The following PACS1 variants were observed in gnomAD, a reference collection of about 807,000 sequenced individuals.
PACS1 encodes the protein phosphofurin acidic cluster sorting protein 1, also known as PACS-1.
PACS1 carries 24 observed loss-of-function variants against 115.0 expected under a neutral mutation model. The ratio of observed to expected loss-of-function variants is 0.21; its 90% CI spans 0.15 to 0.29. The LOEUF (loss-of-function observed/expected upper bound fraction) is 0.29, where lower values mean the gene tolerates loss of function less well. PACS1 is among the 10% of genes least tolerant of loss of function. PACS1 has a pLI of 1.00. For missense variants in PACS1, 838 were observed against 1,251.2 expected (o/e 0.67, Z 4.98); for synonymous variants, 453 against 504.5 (o/e 0.90, Z 1.37).
At chr11:66,099,883 T>C (rs931602273) in intron 1 of PACS1, among the ~76,000 whole-genome samples, 4 of 151,334 alleles carry the variant, frequency 2.6e-5, no homozygotes, top group Non-Finnish European at 4.4e-5. Flanking sequence ...AATTTTGCTC[T>C]TGTTGCCCAG....
intron 2 of PACS1, among the ~76,000 whole-genome samples, chr11:66,201,660 T>C (rs931586549): frequency 6.6e-6 from 1 of 150,636 alleles, no homozygotes; most frequent in East Asian, 1.9e-4. Context: ...TTTTGGGTTT[T>C]TGTTTTTTTT....
intron 1 of PACS1, among the ~76,000 whole-genome samples, chr11:66,074,941 G>GTTTTTTT (rs71036269): frequency 7.0e-5 from 8 of 114,206 alleles, no homozygotes; most frequent in East Asian, 2.6e-4. Flanking sequence ...TTTTTTTGGT[G>GTTTTTTT]TTTTTTTTTT....
intron 10 of PACS1, among the ~76,000 whole-genome samples, chr11:66,227,240 G>T (rs1855485229): frequency 6.6e-6 from 1 of 152,154 alleles, no homozygotes; most frequent in Non-Finnish European, 1.5e-5. Flanking sequence ...AGCTTCTCTT[G>T]CCTAGTGACA....
intron 1 of PACS1, among the ~76,000 whole-genome samples, chr11:66,118,857 A>G (rs765885973): frequency 3.3e-5 from 5 of 152,122 alleles, no homozygotes; most frequent in African/African-American, 4.8e-5. Flanking sequence ...TCCCTTCCCA[A>G]ATATTTTTTT....
intron 1 of PACS1, among the ~76,000 whole-genome samples, chr11:66,185,765 G>A (rs1053073081): frequency 1.3e-5 from 2 of 152,118 alleles, no homozygotes; most frequent in Admixed American, 6.5e-5. Context: ...GAGACCCAGG[G>A]TTTCCTGATA....
chr11:66,204,460 A>G (rs554100864), intron 2 of PACS1, among the ~76,000 whole-genome samples: 1 of 152,322 alleles, frequency 6.6e-6, no homozygotes, highest in South Asian at 2.1e-4. Context: ...AAGTTAGTAT[A>G]GCGAATATGG....
At chr11:66,162,113 T>G (rs12799501) in intron 1 of PACS1, among the ~76,000 whole-genome samples, 71 of 10,232 alleles carry the variant, frequency 6.9e-3, no homozygotes, top group African/African-American at 0.018. Context: ...GTGGTGGTGG[T>G]TTTTTTTTTT....
At chr11:66,114,087 A>C (rs569693159) in intron 1 of PACS1, among the ~76,000 whole-genome samples, 2 of 147,272 alleles carry the variant, frequency 1.4e-5, no homozygotes, top group South Asian at 4.4e-4. Context: ...AAGCAGAATC[A>C]CTATGAGTTG....
Position 66,134,080 on chromosome 11 carries a change from T to C in PACS1, c.357-59406T>C, listed in dbSNP as rs201281574. ...TATTCCTGAGGCATTGATCACATTG[T>C]CATTGTTCCAGGTTCCTCTCTGTGC... is the stretch of plus-strand genomic sequence containing the variant. On this transcript the variant is annotated intron_variant, in intron 1 of 23. Coordinates refer to ENST00000320580, the MANE Select transcript of PACS1 (RefSeq NM_018026.4). Among the ~76,000 whole-genome samples the C allele has an allele frequency of 3.9e-5, 6 of 152,060 alleles. No individual in the cohort carries two copies. The East Asian group carries it at 1.2e-3, about 29-fold the overall frequency.
chr11:66,206,668 T>C (rs940959380), intron 2 of PACS1, among the ~76,000 whole-genome samples: 1 of 152,128 alleles, frequency 6.6e-6, no homozygotes, highest in Non-Finnish European at 1.5e-5. Context: ...ATAGTGACAA[T>C]AACTAAGATA....
At chr11:66,165,746 T>A (rs576810660) in intron 1 of PACS1, among the ~76,000 whole-genome samples, 46 of 152,166 alleles carry the variant, frequency 3.0e-4, no homozygotes, top group African/African-American at 1.1e-3. Context: ...AAGGGTAAAA[T>A]ATATATATGT....
intron 1 of PACS1, among the ~76,000 whole-genome samples, chr11:66,098,651 T>G (rs1386881415): frequency 6.6e-6 from 1 of 152,216 alleles, no homozygotes; most frequent in African/African-American, 2.4e-5. Context: ...CTGCCCCAAC[T>G]ATATCTCATT....
At chr11:66,181,866 A>G (rs1447584412) in intron 1 of PACS1, among the ~76,000 whole-genome samples, 1 of 152,202 alleles carries the variant, frequency 6.6e-6, no homozygotes, top group Non-Finnish European at 1.5e-5. Context: ...ACTGGAATTT[A>G]AGTGACTAGG....
intron 1 of PACS1, among the ~76,000 whole-genome samples, chr11:66,140,402 C>T (rs992234308): frequency 1.3e-5 from 2 of 152,204 alleles, no homozygotes; most frequent in Middle Eastern, 3.4e-3. Flanking sequence ...GCTTTGTATC[C>T]GCGTGACCTG....
At chr11:66,166,758 A>C (rs1859612814) in intron 1 of PACS1, among the ~76,000 whole-genome samples, 1 of 150,450 alleles carries the variant, frequency 6.6e-6, no homozygotes, top group African/African-American at 2.5e-5. Flanking sequence ...TGATGAGAAC[A>C]GTGCAAATAT....
At chr11:66,117,729 C>T (rs1306864428) in intron 1 of PACS1, among the ~76,000 whole-genome samples, 1 of 151,888 alleles carries the variant, frequency 6.6e-6, no homozygotes, top group Non-Finnish European at 1.5e-5. Context: ...GCCTGTAATT[C>T]CAGCTACTTG....
At chr11:66,111,462 C>T (rs1027265534) in intron 1 of PACS1, among the ~76,000 whole-genome samples, 3 of 152,222 alleles carry the variant, frequency 2.0e-5, no homozygotes, top group South Asian at 2.1e-4. Flanking sequence ...TATCCAAGTG[C>T]CTATTTGACA....
chr11:66,224,721 A>G (rs1855437923), intron 10 of PACS1, among the ~76,000 whole-genome samples: 1 of 152,104 alleles, frequency 6.6e-6, no homozygotes, highest in African/African-American at 2.4e-5. Context: ...ATCCTTTGGT[A>G]TGAAAGGCGC....
At chr11:66,107,159 G>A (rs1590748709) in intron 1 of PACS1, among the ~76,000 whole-genome samples, 1 of 152,266 alleles carries the variant, frequency 6.6e-6, no homozygotes, top group Non-Finnish European at 1.5e-5. Context: ...CCCTCCCCCA[G>A]TCTGACCACC....
Sources: gnomAD v4.1 joint callset for allele counts (sites outside exome capture counted in the v4.1 genomes callset) on GRCh38, gnomAD v4.1.1 for gene constraint, MANE v1.5 for transcripts, NCBI Gene and HGNC (gene_info 2026-07-23, HGNC 2026-07-21) for gene names.